IMPG2: variants seen among roughly 807,000 people sequenced by gnomAD.
IMPG2 encodes interphotoreceptor matrix proteoglycan 2.
A neutral mutation model predicts 129.2 loss-of-function variants in IMPG2; 91 were observed. That is an observed-to-expected ratio of 0.70 (90% CI 0.59 to 0.84). IMPG2 has a LOEUF of 0.84. Among genes scored for constraint, IMPG2 ranks in the 40% least tolerant of loss-of-function variants. IMPG2 has a pLI of 0.00. For missense variants in IMPG2, 1,430 were observed against 1,461.7 expected (o/e 0.98, Z 0.35); for synonymous variants, 510 against 517.7 (o/e 0.99, Z 0.20).
At chr3:101,274,013 C>T (rs1172272505) in intron 6 of IMPG2, among the ~76,000 whole-genome samples, 6 of 151,890 alleles carry the variant, frequency 4.0e-5, no homozygotes, top group Admixed American at 3.9e-4. Flanking sequence ...GCCTGGCCAA[C>T]TGAAACCCCA....
rs1706711214 is a variant in IMPG2 at position 101,265,322 on chromosome 3, A to C, written c.908+2189T>G. On this transcript the variant is annotated intron_variant, in intron 9 of 18. Coordinates refer to ENST00000193391, the MANE Select transcript of IMPG2 (RefSeq NM_016247.4). Reference sequence around the variant, plus strand: ...ATAGTACAAAGCTGTAGTCATCAAAACAGCCTGGTACTAGCAATAAAAACA... The same window carrying C: ...ATAGTACAAAGCTGTAGTCATCAAACCAGCCTGGTACTAGCAATAAAAACA... Among the ~76,000 whole-genome samples, 3 of 152,176 alleles carry C rather than the reference A, an allele frequency of 2.0e-5. No homozygotes were observed. In the South Asian group the frequency reaches 6.2e-4, roughly 32 times the overall value.
chr3:101,310,668 T>G (rs1283565007), intron 2 of IMPG2, among the ~76,000 whole-genome samples: 1 of 151,568 alleles, frequency 6.6e-6, no homozygotes, highest in Non-Finnish European at 1.5e-5. Flanking sequence ...AGAATATGAG[T>G]GTTTACGACA....
chr3:101,252,643 A>G (rs2107228867), intron 11 of IMPG2, among the ~76,000 whole-genome samples: 1 of 152,276 alleles, frequency 6.6e-6, no homozygotes, highest in Admixed American at 6.5e-5. Flanking sequence ...TACACACCAA[A>G]TGAATGTACT....
At chr3:101,267,936 C>G (rs1246834318) in intron 8 of IMPG2, among the ~76,000 whole-genome samples, 1 of 152,108 alleles carries the variant, frequency 6.6e-6, no homozygotes, top group Admixed American at 6.6e-5. Context: ...AGGTAAATGT[C>G]AGGACTGACT....
In IMPG2 at chr3:101,232,830, A is replaced by G. The variant is rs1706304534; in HGVS notation, c.3184T>C (p.Leu1062=). Residue 1062 remains leucine (L), a synonymous_variant, in exon 15 of 19, where the codon TTG becomes CTG. Transcript: ENST00000193391. Reference sequence around the variant, plus strand: ...ATAATGTCACACTTTCCATCATTCAAGCAGAAGTCAGGCTGTAGGTCACAG... The same window carrying G: ...ATAATGTCACACTTTCCATCATTCAGGCAGAAGTCAGGCTGTAGGTCACAG... ...SLCDLQPDFC[L]NDGKCDIMPG... is the part of the protein sequence containing the mutation. 7.4e-6 allele frequency: 12 copies of G among 1,613,672 alleles called. No individual in the cohort carries two copies. The highest frequency in any genetic ancestry group is 1.0e-5 in the Non-Finnish European group (12 of 1,179,946).
chr3:101,308,037 C>T (rs2107140167), intron 2 of IMPG2, among the ~76,000 whole-genome samples: 1 of 152,346 alleles, frequency 6.6e-6, no homozygotes, highest in South Asian at 2.1e-4. Flanking sequence ...CTTCTGACTC[C>T]ATGTCTCACA....
chr3:101,300,052 A>G (rs1707123292), intron 3 of IMPG2, among the ~76,000 whole-genome samples: 1 of 152,210 alleles, frequency 6.6e-6, no homozygotes, highest in African/African-American at 2.4e-5. Context: ...CTCCCTCTAG[A>G]GGCTCAAGCC....
At chr3:101,269,241 C>T (rs1267239481) in intron 8 of IMPG2, among the ~76,000 whole-genome samples, 1 of 152,088 alleles carries the variant, frequency 6.6e-6, no homozygotes, top group Non-Finnish European at 1.5e-5. Context: ...ACCTACGTAA[C>T]TTGTCAGCAG....
chr3:101,318,149 AAATAATAATAATAATAATAAT>A lies in IMPG2; in HGVS notation c.334+1414_334+1434del, dbSNP rs138777161. Among the ~76,000 whole-genome samples, 30 of 144,172 alleles carry A rather than the reference AAATAATAATAATAATAATAAT, an allele frequency of 2.1e-4. No individual in the cohort carries two copies. The East Asian group carries it at 3.7e-3, about 18-fold the overall frequency. The allele number at this position is 144,172 out of a possible 152,430, so 94.6% of individuals were successfully genotyped here. ...TGAGTATGTCCCAAAAAATAGTAAT[AAATAATAATAATAATAATAAT>A]AATAATAATAATAATAATATAAAGT... On this transcript the variant is annotated intron_variant, in intron 2 of 18. Transcript: ENST00000193391.
intron 3 of IMPG2, among the ~76,000 whole-genome samples, chr3:101,302,577 G>T (rs1388514041): frequency 6.6e-6 from 1 of 152,110 alleles, no homozygotes; most frequent in East Asian, 1.9e-4. Flanking sequence ...ATAGAATAAA[G>T]AATTTAATAA....
intron 2 of IMPG2, among the ~76,000 whole-genome samples, chr3:101,309,460 G>A (rs923984868): frequency 1.3e-5 from 2 of 152,076 alleles, no homozygotes; most frequent in South Asian, 2.1e-4. Flanking sequence ...ACATGGCATC[G>A]GGATAGAGAA....
At chr3:101,251,582 T>C (rs1706544321) in intron 11 of IMPG2, among the ~76,000 whole-genome samples, 1 of 152,196 alleles carries the variant, frequency 6.6e-6, no homozygotes, top group Non-Finnish European at 1.5e-5. Context: ...CCAGTTTCAT[T>C]TCTGCTACCG....
In IMPG2 at chr3:101,257,625, T is replaced by C. The variant is rs899774346; in HGVS notation, c.1057A>G (p.Asn353Asp). 6 of 1,613,486 alleles carry C rather than the reference T, an allele frequency of 3.7e-6. No homozygotes were observed. In the East Asian group the frequency reaches 1.3e-4, roughly 36 times the overall value. The change falls in exon 10 of 19, where the codon AAC becomes GAC. Residue 353 changes from asparagine to aspartate, a missense_variant. Asn to Asp is a conservative substitution (Grantham distance 23). Coordinates refer to ENST00000193391, the MANE Select transcript of IMPG2 (RefSeq NM_016247.4). ...DKPTVVYTIS[N>D]FRDYIAETLQ... ...GTCTCAGCAATATAATCTCTGAAGT[T>C]ACTGATTGTATAAACAACAGTGGGT...
At chr3:101,255,273 T>G (rs1706586469) in intron 10 of IMPG2, among the ~76,000 whole-genome samples, 1 of 152,112 alleles carries the variant, frequency 6.6e-6, no homozygotes, top group Non-Finnish European at 1.5e-5. Context: ...GACAAAATTC[T>G]GAGTAATTGA....
chr3:101,313,545 G>A (rs2058767811), intron 2 of IMPG2, among the ~76,000 whole-genome samples: 1 of 152,056 alleles, frequency 6.6e-6, no homozygotes, highest in Non-Finnish European at 1.5e-5. Context: ...GAAACTAGTG[G>A]TGGAAGGGAA....
chr3:101,231,726 C>T lies in IMPG2; in HGVS notation c.3234-581G>A, dbSNP rs115590767. Among the ~76,000 whole-genome samples, 844 of 152,308 alleles carry T rather than the reference C, an allele frequency of 5.5e-3. 9 individuals are homozygous for T. The highest frequency in any genetic ancestry group is 0.02 in the African/African-American group (817 of 41,560). On this transcript the variant is annotated intron_variant, in intron 15 of 18. Transcript: ENST00000193391. ...TTTCTGGCATCTATGCCAACATTTG[C>T]CCATTTTGACCTTGCAGACTGTCCT...
chr3:101,230,606 CTT>C (rs1339692370), intron 16 of IMPG2, among the ~76,000 whole-genome samples: 3 of 152,210 alleles, frequency 2.0e-5, no homozygotes, highest in African/African-American at 7.2e-5. Context: ...GCCTCCCTGA[CTT>C]TGCTCATGCT....
At chr3:101,229,679 G>T in intron 16 of IMPG2, 89 bp from the exon 17 acceptor site, 1 of 1,141,678 alleles carries the variant, frequency 8.8e-7, no homozygotes, top group Non-Finnish European at 1.3e-6. Flanking sequence ...TTCTGTTGAA[G>T]AAAAACAGGT....
chr3:101,229,742 C>G, intron 16 of IMPG2, 152 bp from the exon 17 acceptor site: 1 of 737,054 alleles, frequency 1.4e-6, no homozygotes, highest in Admixed American at 2.1e-5. Flanking sequence ...AGATCAACCT[C>G]AAAAATTATT....
Sources: gnomAD v4.1 joint callset for allele counts (sites outside exome capture counted in the v4.1 genomes callset) on GRCh38, gnomAD v4.1.1 for gene constraint, MANE v1.5 for transcripts, NCBI Gene and HGNC (gene_info 2026-07-23, HGNC 2026-07-21) for gene names.